The following LRRC8C variants were observed in gnomAD, a reference collection of about 807,000 sequenced individuals.
LRRC8C encodes volume-regulated anion channel subunit LRRC8C.
In LRRC8C, 20 loss-of-function variants were observed where a neutral mutation model predicts 55.3. That is an observed-to-expected ratio of 0.36 (90% CI 0.25 to 0.53). The LOEUF is 0.53. LRRC8C is among the 20% of genes least tolerant of loss of function. The pLI, the probability that LRRC8C is intolerant of heterozygous loss-of-function variation, is 0.92. For synonymous variants in LRRC8C, 376 were observed against 360.7 expected, an observed-to-expected ratio of 1.04 and a Z score of -0.48; for missense variants, 659 against 951.4, an observed-to-expected ratio of 0.69 and a Z score of 4.04.
At chr1:89,650,350 T>A (rs1656727916) in intron 1 of LRRC8C, among the ~76,000 whole-genome samples, 1 of 152,214 alleles carries the variant, frequency 6.6e-6, no homozygotes, top group African/African-American at 2.4e-5. Context: ...CAAGGAATTA[T>A]TTTTGAAAGG....
chr1:89,691,027 G>A (rs1006199025), intron 2 of LRRC8C, among the ~76,000 whole-genome samples: 1 of 152,204 alleles, frequency 6.6e-6, no homozygotes, highest in South Asian at 2.1e-4. Context: ...AGGCTGCAGG[G>A]CACAGAATTC....
chr1:89,646,291 C>T (rs1447211161), intron 1 of LRRC8C, among the ~76,000 whole-genome samples: 2 of 151,952 alleles, frequency 1.3e-5, no homozygotes, highest in Non-Finnish European at 1.5e-5. Flanking sequence ...ACCCTACTGA[C>T]GTTAAAAGGA....
intron 1 of LRRC8C, among the ~76,000 whole-genome samples, chr1:89,674,884 T>C (rs905367304): frequency 6.6e-6 from 1 of 152,234 alleles, no homozygotes; most frequent in African/African-American, 2.4e-5. Flanking sequence ...AGTCTTTCAG[T>C]CTCTCACTTT....
At chr1:89,707,576 T>C (rs1486659220) in intron 2 of LRRC8C, among the ~76,000 whole-genome samples, 1 of 151,844 alleles carries the variant, frequency 6.6e-6, no homozygotes, top group African/African-American at 2.4e-5. Context: ...TGTACAGCTT[T>C]GATCCCAGCA....
intron 1 of LRRC8C, among the ~76,000 whole-genome samples, chr1:89,678,294 C>T (rs1396894720): frequency 5.3e-5 from 8 of 152,156 alleles, no homozygotes. Context: ...CTAATACATG[C>T]CAGGCATTAT....
rs2101366063 is a variant in LRRC8C at position 89,714,298 on chromosome 1, C to T, written c.1728C>T (p.Gly576=). Residue 576 remains glycine, a synonymous_variant, in exon 3 of 3, where the codon GGC becomes GGT. Transcript: ENST00000370454. The surrounding 1 kb of genome is among the most constrained non-coding windows in gnomAD (Gnocchi z 4.6). ...AGAAGATGTGCATACATAATGATGG[C>T]ACCAAGCTGGTGATGCTCAACAACT... ...HLQKMCIHND[G]TKLVMLNNLK... 1 of 1,614,126 alleles carries T rather than the reference C, an allele frequency of 6.2e-7. No individual in the cohort carries two copies. The highest frequency in any genetic ancestry group is 8.5e-7 in the Non-Finnish European group (1 of 1,180,026).
intron 2 of LRRC8C, among the ~76,000 whole-genome samples, chr1:89,709,338 A>G (rs1435534731): frequency 6.6e-6 from 1 of 152,244 alleles, no homozygotes; most frequent in East Asian, 1.9e-4. Flanking sequence ...AACGGAGAGA[A>G]TGTGACCTAC....
chr1:89,697,966 C>T (rs1658220277), intron 2 of LRRC8C, among the ~76,000 whole-genome samples: 1 of 152,130 alleles, frequency 6.6e-6, no homozygotes, highest in African/African-American at 2.4e-5. Context: ...CATTCCCACC[C>T]TCAGAAAAGT....
At chr1:89,702,160 A>G (rs1178371842) in intron 2 of LRRC8C, among the ~76,000 whole-genome samples, 1 of 152,186 alleles carries the variant, frequency 6.6e-6, no homozygotes. Flanking sequence ...ACAGTGGAAC[A>G]TCCAAATACC....
chr1:89,692,918 A>G (rs2101303576), intron 2 of LRRC8C, among the ~76,000 whole-genome samples: 1 of 152,310 alleles, frequency 6.6e-6, no homozygotes, highest in East Asian at 1.9e-4. Context: ...AGGTTATCTT[A>G]TTATGACCAA....
intron 1 of LRRC8C, among the ~76,000 whole-genome samples, chr1:89,638,648 T>G (rs1656361801): frequency 6.6e-6 from 1 of 152,194 alleles, no homozygotes; most frequent in Non-Finnish European, 1.5e-5. Flanking sequence ...ATTACTTTTT[T>G]TGCAAATAAA....
At chr1:89,621,306 A>T in the LRRC8C span, among the ~76,000 whole-genome samples, 11 of 127,448 alleles carry the variant, frequency 8.6e-5, no homozygotes, top group Non-Finnish European at 1.6e-4. Flanking sequence ...TAAAAAAAAA[A>T]AAAAAAAAAA....
intron 1 of LRRC8C, among the ~76,000 whole-genome samples, chr1:89,651,064 T>C (rs1656760625): frequency 6.6e-6 from 1 of 152,102 alleles, no homozygotes; most frequent in African/African-American, 2.4e-5. Flanking sequence ...AACAATAGCA[T>C]ATATGCCATG....
intron 1 of LRRC8C, among the ~76,000 whole-genome samples, chr1:89,646,131 G>A (rs1021036994): frequency 1.3e-5 from 2 of 151,978 alleles, no homozygotes; most frequent in African/African-American, 4.8e-5. Context: ...ATCGAAATCA[G>A]ATGAGTGACA....
intron 1 of LRRC8C, among the ~76,000 whole-genome samples, chr1:89,685,166 C>T (rs577836362): frequency 7.4e-5 from 10 of 135,444 alleles, no homozygotes; most frequent in Non-Finnish European, 1.2e-4. Flanking sequence ...GGCCGGACTG[C>T]GGACTGCAGT....
At chr1:89,695,218 G>C (rs895593558) in intron 2 of LRRC8C, among the ~76,000 whole-genome samples, 1 of 152,096 alleles carries the variant, frequency 6.6e-6, no homozygotes. Context: ...CACCGCGCCC[G>C]GCCCTATATA....
chr1:89,619,971 T>C, the LRRC8C span, among the ~76,000 whole-genome samples: 1 of 152,212 alleles, frequency 6.6e-6, no homozygotes. Flanking sequence ...TTAATGACTA[T>C]AGAGTAGTTT....
intron 2 of LRRC8C, among the ~76,000 whole-genome samples, chr1:89,709,755 G>GGT (rs1658593443): frequency 7.4e-6 from 1 of 134,410 alleles, no homozygotes; most frequent in Non-Finnish European, 1.6e-5. Context: ...TTTTTTGTTT[G>GGT]TTTTTTTTTT....
In LRRC8C at chr1:89,717,223, TAGGTAAC is replaced by T. The variant is rs1400219345; in HGVS notation, c.*2242_*2248del. 6.6e-6 allele frequency: 1 copy of T among 152,182 alleles called. No homozygotes were observed. The highest frequency in any genetic ancestry group is 1.5e-5 in the Non-Finnish European group (1 of 68,024). The allele number at this position is 152,182 out of a possible 1,614,324, so 9.4% of individuals were successfully genotyped here. A position where few individuals can be genotyped will look rare whatever the true frequency, so the allele number is the denominator to read the frequency against. ...AAAATACCTCGTCGAAAGGCAAGCT[TAGGTAAC>T]TGCTGGCAAAACACTGGGTGCACTA... On this transcript the variant is annotated 3_prime_UTR_variant, in exon 3 of 3. Coordinates refer to ENST00000370454, the MANE Select transcript of LRRC8C (RefSeq NM_032270.5).
Sources: allele counts gnomAD v4.1 joint callset (sites outside exome capture counted in the v4.1 genomes callset), GRCh38; gene constraint gnomAD v4.1.1; non-coding constraint Gnocchi (gnomAD v3.1); transcripts MANE v1.5; gene names NCBI Gene and HGNC (gene_info 2026-07-23, HGNC 2026-07-21).